The following STPG1 variants were observed in gnomAD, a reference collection of about 807,000 sequenced individuals.
STPG1 encodes O(6)-methylguanine-induced apoptosis 2.
Under a neutral mutation model 40.1 loss-of-function variants are expected in STPG1, and 33 were observed. The ratio of observed to expected loss-of-function variants is 0.82; its 90% CI spans 0.62 to 1.10. The LOEUF (loss-of-function observed/expected upper bound fraction) is 1.10. STPG1 is among the 50% of genes least tolerant of loss of function. The probability of loss-of-function intolerance (pLI) is 0.00; values close to 1 mark genes in which losing one functional copy is unlikely to be tolerated. For missense variants in STPG1, 396 were observed against 415.1 expected, an observed-to-expected ratio of 0.95 and a Z score of 0.40; for synonymous variants, 150 against 155.0, an observed-to-expected ratio of 0.97 and a Z score of 0.24.
In STPG1 at chr1:24,359,405, C is replaced by T. The variant is rs1249136062; in HGVS notation, c.929-786G>A. Among the ~76,000 whole-genome samples, 1 of 152,236 alleles carries T rather than the reference C, an allele frequency of 6.6e-6. No homozygotes were observed. The highest frequency in any genetic ancestry group is 2.4e-5 in the African/African-American group (1 of 41,466). On this transcript the variant is annotated intron_variant, in intron 8 of 8. Coordinates refer to ENST00000337248, the MANE Select transcript of STPG1 (RefSeq NM_001199013.2). This position sits in a 1 kb window ranked among gnomAD's most constrained non-coding sequence, Gnocchi z 5.3. Reference sequence around the variant, plus strand: ...GCCCTACCCTCTCTGGAGCTCACCCCTTGTATGGAGCATTTGCATGTTTGC... The same window carrying T: ...GCCCTACCCTCTCTGGAGCTCACCCTTTGTATGGAGCATTTGCATGTTTGC...
At chr1:24,384,088 C>G (rs1328535640) in intron 3 of STPG1, 85 bp from the exon 4 acceptor site, 2 of 842,962 alleles carry the variant, frequency 2.4e-6, no homozygotes, top group Admixed American at 3.6e-5. Context: ...TAACACTAAG[C>G]CTTACTGTAA....
chr1:24,389,643 A>G (rs1443446565), intron 3 of STPG1, among the ~76,000 whole-genome samples: 1 of 152,178 alleles, frequency 6.6e-6, no homozygotes, highest in Non-Finnish European at 1.5e-5. Context: ...AAGGCAGTCT[A>G]AAAGTACACA....
intron 6 of STPG1, among the ~76,000 whole-genome samples, chr1:24,370,655 C>G (rs1641695076): frequency 6.6e-6 from 1 of 152,048 alleles, no homozygotes; most frequent in Admixed American, 6.6e-5. Context: ...CCACGCCTGG[C>G]TAATTTTTTG....
At chr1:24,408,388 C>T (rs1173580892) in intron 1 of STPG1, among the ~76,000 whole-genome samples, 1 of 152,188 alleles carries the variant, frequency 6.6e-6, no homozygotes, top group Non-Finnish European at 1.5e-5. Flanking sequence ...CATGCATGTG[C>T]AGATTACTGC....
chr1:24,372,620 C>T (rs1641806463), intron 6 of STPG1, among the ~76,000 whole-genome samples: 1 of 152,196 alleles, frequency 6.6e-6, no homozygotes, highest in Non-Finnish European at 1.5e-5. Context: ...ATGGATGATG[C>T]AAGGCAGGAG....
At chr1:24,377,419 C>G (rs1642079597) in intron 5 of STPG1, among the ~76,000 whole-genome samples, 1 of 152,110 alleles carries the variant, frequency 6.6e-6, no homozygotes, top group African/African-American at 2.4e-5. Flanking sequence ...CTTGCTCATC[C>G]TACACTAGCC....
intron 3 of STPG1, among the ~76,000 whole-genome samples, chr1:24,384,627 C>T (rs142371391): frequency 2.0e-5 from 3 of 152,298 alleles, no homozygotes; most frequent in Non-Finnish European, 4.4e-5. Context: ...ATTTCTGCTG[C>T]GGGAGCTCAT....
upstream of STPG1, chr1:24,413,883 G>GTA (rs2148723921): frequency 6.6e-6 from 1 of 152,358 alleles, no homozygotes; most frequent in Admixed American, 6.5e-5. Flanking sequence ...TTAGGGCTTA[G>GTA]GTTAATTACA....
At chr1:24,370,810 G>A (rs112539583) in intron 6 of STPG1, among the ~76,000 whole-genome samples, 2 of 148,796 alleles carry the variant, frequency 1.3e-5, no homozygotes, top group African/African-American at 5.0e-5. Context: ...TTGTAGAAAT[G>A]AGGCCTCATT....
chr1:24,369,570 G>A (rs1641633589), intron 7 of STPG1, 104 bp downstream of exon 7: 14 of 1,270,782 alleles, frequency 1.1e-5, no homozygotes, highest in Admixed American at 8.4e-5. Context: ...AGAGTGGCCC[G>A]GCACTGTGCT....
At chr1:24,371,522 C>T (rs879357447) in intron 6 of STPG1, among the ~76,000 whole-genome samples, 12 of 149,118 alleles carry the variant, frequency 8.0e-5, no homozygotes, top group Non-Finnish European at 1.5e-4. Flanking sequence ...ACCCAGGAGG[C>T]GAAGGTTGCA....
At chr1:24,377,561 G>C (rs1642087370) in intron 5 of STPG1, among the ~76,000 whole-genome samples, 1 of 152,104 alleles carries the variant, frequency 6.6e-6, no homozygotes, top group Non-Finnish European at 1.5e-5. Context: ...TGACCACCAA[G>C]TCAGAGAAGG....
intron 2 of STPG1, among the ~76,000 whole-genome samples, chr1:24,396,299 C>CTATCATCTATCATCT (rs58386447): frequency 6.9e-6 from 1 of 144,356 alleles, no homozygotes; most frequent in Non-Finnish European, 1.5e-5. Flanking sequence ...ATCTATCTAT[C>CTATCATCTATCATCT]ATCTATCTAT....
rs1557711293 is a variant in STPG1 at position 24,358,037 on chromosome 1, G to A, written c.*506C>T. On this transcript the variant is annotated 3_prime_UTR_variant, in exon 9 of 9. Coordinates refer to ENST00000337248, the MANE Select transcript of STPG1 (RefSeq NM_001199013.2). ...CATCACCTGCCTGCAGGTAGCTTTCGCCCAGTAGACATACCGTAAGTGAGT... is the reference window on the plus strand; with the variant it reads ...CATCACCTGCCTGCAGGTAGCTTTCACCCAGTAGACATACCGTAAGTGAGT... 5.6e-6 allele frequency: 2 copies of A among 359,910 alleles called. No individual in the cohort carries two copies. The highest frequency in any genetic ancestry group is 4.3e-5 in the African/African-American group (2 of 46,948). 22.3% of individuals were successfully genotyped at this position (359,910 alleles called of 1,614,324 possible).
At position 24,408,149 on chromosome 1, in the gene STPG1, A is replaced by G. The variant is rs141910448; in HGVS notation, c.-69+5525T>C. On this transcript the variant is annotated intron_variant, in intron 1 of 8. Transcript: ENST00000337248. The stretch of plus-strand genomic sequence containing the variant: ...CTTGTAGATCCATCTGACCCTTTCA[A>G]GCTTTTAAACTTTGTTATGGCAAGT... Among the ~76,000 whole-genome samples, 390 of 152,336 alleles carry G rather than the reference A, an allele frequency of 2.6e-3. 2 individuals carry two copies. Among genetic ancestry groups the G allele is most frequent in the African/African-American group, 9.1e-3 (378 of 41,574 alleles).
chr1:24,404,951 G>A (rs1478904367), intron 1 of STPG1, among the ~76,000 whole-genome samples: 1 of 151,724 alleles, frequency 6.6e-6, no homozygotes, highest in East Asian at 1.9e-4. Flanking sequence ...GGTTTCATTT[G>A]TTCTTCTCTT....
intron 6 of STPG1, among the ~76,000 whole-genome samples, chr1:24,372,529 G>A (rs115709198): frequency 0.014 from 2,165 of 152,292 alleles, 33 homozygotes; most frequent in Admixed American, 0.053. Flanking sequence ...ACATCCCAGG[G>A]CTCACTGGCA....
At position 24,358,405 on chromosome 1, in the gene STPG1, G is replaced by A. The variant is rs74060310; in HGVS notation, c.*138C>T. On this transcript the variant is annotated 3_prime_UTR_variant, in exon 9 of 9. Transcript: ENST00000337248. ...GCAATGGCAGCAGTCCGGCTAGGAT[G>A]CCAGGCCAGAGTGGTAGAGCCACCC... 0.019 allele frequency: 14,631 copies of A among 777,668 alleles called. 591 individuals carry two copies. Among genetic ancestry groups the A allele is most frequent in the African/African-American group, 0.13 (7,917 of 59,086 alleles). 48.2% of individuals were successfully genotyped at this position (777,668 alleles called of 1,614,324 possible). A position where few individuals can be genotyped will look rare whatever the true frequency, so the allele number is the denominator to read the frequency against.
chr1:24,371,447 C>T (rs1400694420), intron 6 of STPG1, among the ~76,000 whole-genome samples: 1 of 151,856 alleles, frequency 6.6e-6, no homozygotes, highest in African/African-American at 2.4e-5. Context: ...AAAAATTAGC[C>T]AGGTGTGGTG....
Sources: gnomAD v4.1 joint callset for allele counts (sites outside exome capture counted in the v4.1 genomes callset) on GRCh38, gnomAD v4.1.1 for gene constraint, Gnocchi (gnomAD v3.1) non-coding constraint, MANE v1.5 for transcripts, NCBI Gene and HGNC (gene_info 2026-07-23, HGNC 2026-07-21) for gene names.